GRM5: variants seen among roughly 807,000 people sequenced by gnomAD.
GRM5 encodes the protein metabotropic glutamate receptor 5.
A neutral mutation model predicts 83.1 loss-of-function variants in GRM5; 19 were observed. The ratio of observed to expected loss-of-function variants is 0.23; its 90% confidence interval spans 0.16 to 0.34. The LOEUF is 0.34. Ranked by LOEUF, GRM5 falls within the 10% of genes least tolerant of loss-of-function variation. GRM5 has a pLI of 1.00. For synonymous variants in GRM5, 675 were observed against 633.6 expected, an observed-to-expected ratio of 1.07 and a Z score of -0.98; for missense variants, 1,160 against 1,588.3, an observed-to-expected ratio of 0.73 and a Z score of 4.58.
intron 8 of GRM5, among the ~76,000 whole-genome samples, chr11:88,538,959 CTG>C (rs1182457420): frequency 6.6e-6 from 1 of 152,174 alleles, no homozygotes; most frequent in Non-Finnish European, 1.5e-5. Flanking sequence ...ATACAGGTAA[CTG>C]TACTATTTTT....
intron 2 of GRM5, among the ~76,000 whole-genome samples, chr11:88,989,480 G>A (rs1464437203): frequency 2.5e-5 from 3 of 119,818 alleles, no homozygotes; most frequent in South Asian, 3.3e-4. Flanking sequence ...AGGATACCCA[G>A]GAATTGAACT....
At chr11:88,541,867 G>C (rs1210889922) in intron 8 of GRM5, among the ~76,000 whole-genome samples, 1 of 152,206 alleles carries the variant, frequency 6.6e-6, no homozygotes, top group African/African-American at 2.4e-5. Flanking sequence ...CCCATGTGTG[G>C]AGGAAGGGAG....
chr11:88,623,157 C>T (rs1938687869), intron 4 of GRM5, among the ~76,000 whole-genome samples: 1 of 152,152 alleles, frequency 6.6e-6, no homozygotes, highest in African/African-American at 2.4e-5. Flanking sequence ...ACAATCTCAG[C>T]TTACTGCAAC....
chr11:88,533,849 G>A (rs868128233), intron 8 of GRM5, among the ~76,000 whole-genome samples: 17 of 152,232 alleles, frequency 1.1e-4, no homozygotes, highest in South Asian at 6.2e-4. Flanking sequence ...AAGTGGTTTC[G>A]TGGGCCAGGC....
At chr11:88,688,517 T>A (rs1393460011) in intron 3 of GRM5, among the ~76,000 whole-genome samples, 1 of 152,174 alleles carries the variant, frequency 6.6e-6, no homozygotes, top group South Asian at 2.1e-4. Flanking sequence ...AAGTTGGAAC[T>A]CTTAAATTTT....
intron 2 of GRM5, among the ~76,000 whole-genome samples, chr11:88,945,038 A>G (rs554090278): frequency 1.3e-5 from 2 of 151,678 alleles, no homozygotes; most frequent in Admixed American, 1.3e-4. Context: ...ATCACTGTAC[A>G]AAAATCAGGA....
chr11:88,609,547 T>G (rs1012647831), intron 4 of GRM5, among the ~76,000 whole-genome samples: 1 of 152,200 alleles, frequency 6.6e-6, no homozygotes, highest in Admixed American at 6.5e-5. Flanking sequence ...GTGGGATTCA[T>G]GTCTGTTCAT....
At chr11:88,589,039 A>G (rs1411798612) in intron 7 of GRM5, among the ~76,000 whole-genome samples, 1 of 152,264 alleles carries the variant, frequency 6.6e-6, no homozygotes, top group Non-Finnish European at 1.5e-5. Flanking sequence ...AAAAAGTTAC[A>G]TCTGTATATT....
At chr11:88,690,195 T>A (rs2135358557) in intron 3 of GRM5, among the ~76,000 whole-genome samples, 1 of 152,100 alleles carries the variant, frequency 6.6e-6, no homozygotes, top group Non-Finnish European at 1.5e-5. Context: ...CACAGTTTTA[T>A]TATTTTCTGC....
chr11:88,991,629 T>A (rs1939975616), intron 2 of GRM5, among the ~76,000 whole-genome samples: 1 of 150,040 alleles, frequency 6.7e-6, no homozygotes. Flanking sequence ...AAGGCTACAG[T>A]AACCAAAACA....
intron 2 of GRM5, among the ~76,000 whole-genome samples, chr11:89,044,695 A>G (rs1941607628): frequency 6.6e-6 from 1 of 152,132 alleles, no homozygotes; most frequent in Admixed American, 6.5e-5. Context: ...GAATAATTAT[A>G]AGAATATGAA....
intron 2 of GRM5, among the ~76,000 whole-genome samples, chr11:89,036,483 G>A (rs1741230167): frequency 6.6e-6 from 1 of 152,028 alleles, no homozygotes; most frequent in Admixed American, 6.6e-5. Flanking sequence ...GTTCTTGGCA[G>A]GAAAATTTAG....
intron 2 of GRM5, among the ~76,000 whole-genome samples, chr11:89,019,872 C>T (rs1246610761): frequency 2.0e-5 from 3 of 152,156 alleles, no homozygotes; most frequent in Non-Finnish European, 4.4e-5. Context: ...ATGAAAGAGG[C>T]TGTACTGCCT....
chr11:88,659,596 C>T (rs1191717547), intron 3 of GRM5, among the ~76,000 whole-genome samples: 1 of 152,068 alleles, frequency 6.6e-6, no homozygotes, highest in Non-Finnish European at 1.5e-5. Context: ...ATAATTATTT[C>T]TATCATTCAT....
chr11:88,944,999 A>C (rs1185292499), intron 2 of GRM5, among the ~76,000 whole-genome samples: 1 of 152,020 alleles, frequency 6.6e-6, no homozygotes, highest in Non-Finnish European at 1.5e-5. Context: ...GGACTGATAA[A>C]TAACTTCAGT....
At chr11:88,642,549 GTTC>G (rs902524011) in intron 4 of GRM5, among the ~76,000 whole-genome samples, 8 of 152,046 alleles carry the variant, frequency 5.3e-5, no homozygotes, top group East Asian at 1.9e-4. Context: ...CAACTTTTAT[GTTC>G]TTCTTCTCTT....
At chr11:88,766,469 C>G (rs1414866761) in intron 3 of GRM5, among the ~76,000 whole-genome samples, 1 of 151,732 alleles carries the variant, frequency 6.6e-6, no homozygotes, top group Non-Finnish European at 1.5e-5. Context: ...GAACTCTATT[C>G]ACTTAATGGT....
In GRM5 at chr11:88,833,075, C is replaced by G. The variant is rs530951170; in HGVS notation, c.911+16831G>C. ...TAGGCAAAGATTTTATAGCTAAGACCTAAAAAACACAGACAACAAAAACAA... is the reference window on the plus strand; with the variant it reads ...TAGGCAAAGATTTTATAGCTAAGACGTAAAAAACACAGACAACAAAAACAA... On this transcript the variant is annotated intron_variant, in intron 3 of 9. Coordinates refer to ENST00000305447, the MANE Select transcript of GRM5 (RefSeq NM_001143831.3). Among the ~76,000 whole-genome samples, 5 of 151,858 alleles carry G rather than the reference C, an allele frequency of 3.3e-5. No homozygotes were observed. In the South Asian group the frequency reaches 1.0e-3, roughly 32 times the overall value.
chr11:88,691,907 G>T (rs1940789122), intron 3 of GRM5, among the ~76,000 whole-genome samples: 1 of 152,088 alleles, frequency 6.6e-6, no homozygotes, highest in Non-Finnish European at 1.5e-5. Context: ...CCTCCCCTTT[G>T]AAGCAGCTCC....
Sources: allele counts gnomAD v4.1 joint callset (sites outside exome capture counted in the v4.1 genomes callset), GRCh38; gene constraint gnomAD v4.1.1; transcripts MANE v1.5; gene names NCBI Gene and HGNC (gene_info 2026-07-23, HGNC 2026-07-21).